The following ARMH3 variants were observed in gnomAD, a reference collection of about 807,000 sequenced individuals.
The protein encoded by ARMH3 is armadillo like helical domain containing 3.
A neutral mutation model predicts 99.1 loss-of-function variants in ARMH3; 60 were observed. The ratio of observed to expected loss-of-function variants is 0.61; its 90% confidence interval spans 0.49 to 0.75. ARMH3 has a LOEUF of 0.75. ARMH3 is among the 30% of genes least tolerant of loss of function. The probability of loss-of-function intolerance (pLI) is 0.00; values close to 1 mark genes in which losing one functional copy is unlikely to be tolerated. For synonymous variants in ARMH3, 285 were observed against 292.8 expected (o/e 0.97, Z 0.27); for missense variants, 679 against 843.1 (o/e 0.81, Z 2.41).
chr10:101,944,273 T>TATATATATATAGAG (rs1844401380), intron 22 of ARMH3, among the ~76,000 whole-genome samples: 1 of 25,406 alleles, frequency 3.9e-5, no homozygotes, highest in Non-Finnish European at 6.6e-5. Flanking sequence ...TATATATATA[T>TATATATATATAGAG]AGAGAGAGAG....
intron 20 of ARMH3, among the ~76,000 whole-genome samples, chr10:101,972,344 T>C (rs770416199): frequency 6.6e-6 from 1 of 152,234 alleles, no homozygotes; most frequent in East Asian, 1.9e-4. Flanking sequence ...GATTGCTTCC[T>C]AGATAATCAA....
chr10:101,920,222 A>C (rs1481824010), intron 23 of ARMH3, among the ~76,000 whole-genome samples: 1 of 152,238 alleles, frequency 6.6e-6, no homozygotes. Context: ...CCTGGCTCTA[A>C]GGATGAAGTG....
intron 5 of ARMH3, among the ~76,000 whole-genome samples, chr10:102,026,344 A>T (rs1217840065): frequency 1.3e-5 from 2 of 152,126 alleles, no homozygotes; most frequent in East Asian, 3.8e-4. Flanking sequence ...ATACGAAAAA[A>T]CTCAGACCAT....
chr10:101,996,833 C>G (rs926363300), intron 15 of ARMH3, among the ~76,000 whole-genome samples: 1 of 152,146 alleles, frequency 6.6e-6, no homozygotes, highest in African/African-American at 2.4e-5. Flanking sequence ...AACTTTAAGT[C>G]TATGCATAGA....
intron 23 of ARMH3, among the ~76,000 whole-genome samples, chr10:101,911,673 G>A (rs1207576711): frequency 1.3e-5 from 2 of 152,240 alleles, no homozygotes; most frequent in African/African-American, 2.4e-5. Flanking sequence ...CGATGTTGCA[G>A]TGAACCATGA....
chr10:102,050,858 GAA>G (rs768694267), intron 1 of ARMH3, among the ~76,000 whole-genome samples: 3 of 64,800 alleles, frequency 4.6e-5, no homozygotes, highest in Admixed American at 1.9e-4. Context: ...CTCCATCTCA[GAA>G]AAAAAAAAAA....
chr10:101,918,598 T>G (rs1234049725), intron 23 of ARMH3, among the ~76,000 whole-genome samples: 2 of 152,130 alleles, frequency 1.3e-5, no homozygotes, highest in Admixed American at 6.5e-5. Context: ...GAGAACAGAA[T>G]AAAATGTCAG....
At chr10:101,921,347 G>A (rs1295588846) in intron 23 of ARMH3, among the ~76,000 whole-genome samples, 2 of 152,144 alleles carry the variant, frequency 1.3e-5, no homozygotes, top group African/African-American at 2.4e-5. Flanking sequence ...TGGGGAAAGG[G>A]ACTACTGACT....
intron 24 of ARMH3, among the ~76,000 whole-genome samples, chr10:101,883,993 C>CAT (rs1404418254): frequency 6.6e-6 from 1 of 151,644 alleles, no homozygotes; most frequent in African/African-American, 2.4e-5. Context: ...ATCTCACACA[C>CAT]ACACACACAC....
intron 19 of ARMH3, among the ~76,000 whole-genome samples, chr10:101,976,810 C>T (rs943591724): frequency 1.3e-5 from 2 of 152,006 alleles, no homozygotes; most frequent in African/African-American, 2.4e-5. Context: ...CCACCATAGC[C>T]GGCTAATTTT....
chr10:101,956,123 CCAATCA>C (rs1241551516), intron 22 of ARMH3, among the ~76,000 whole-genome samples: 1 of 152,044 alleles, frequency 6.6e-6, no homozygotes, highest in African/African-American at 2.4e-5. Flanking sequence ...TTTCAGTGAG[CCAATCA>C]CCAAAAGATT....
intron 8 of ARMH3, among the ~76,000 whole-genome samples, chr10:102,020,428 G>A (rs2066856041): frequency 6.6e-6 from 1 of 151,704 alleles, no homozygotes; most frequent in South Asian, 2.1e-4. Flanking sequence ...TATAATCCAA[G>A]CACTTTGGGA....
chr10:101,907,182 T>C (rs1233136737), intron 23 of ARMH3, among the ~76,000 whole-genome samples: 3 of 152,196 alleles, frequency 2.0e-5, no homozygotes, highest in African/African-American at 4.8e-5. Context: ...AAGTTCCTAT[T>C]TAGATACATT....
At chr10:102,002,248 C>T (rs1355204506) in intron 14 of ARMH3, among the ~76,000 whole-genome samples, 176 bp from the exon 15 acceptor site, 4 of 152,036 alleles carry the variant, frequency 2.6e-5, no homozygotes, top group Non-Finnish European at 5.9e-5. Context: ...GCCTGTAGAG[C>T]CCCCTTCCTA....
chr10:102,021,806 A>G (rs542782269), intron 8 of ARMH3, among the ~76,000 whole-genome samples: 1 of 152,128 alleles, frequency 6.6e-6, no homozygotes, highest in East Asian at 1.9e-4. Flanking sequence ...TCAGCCTCCC[A>G]AAGTGCTGGG....
At chr10:102,022,382 C>G (rs2066904657) in intron 8 of ARMH3, among the ~76,000 whole-genome samples, 1 of 149,108 alleles carries the variant, frequency 6.7e-6, no homozygotes, top group Non-Finnish European at 1.5e-5. Context: ...GTCCCAGCTA[C>G]TGGGGAGGCT....
At chr10:101,878,069 C>T (rs1372964019) in intron 24 of ARMH3, among the ~76,000 whole-genome samples, 2 of 152,016 alleles carry the variant, frequency 1.3e-5, no homozygotes, top group East Asian at 3.9e-4. Flanking sequence ...ACTAGCCTGG[C>T]CAACATGGCG....
intron 13 of ARMH3, 78 bp from the exon 14 acceptor site, chr10:102,006,711 G>T: frequency 7.4e-7 from 1 of 1,342,740 alleles, no homozygotes; most frequent in South Asian, 1.2e-5. Context: ...TACCAATAAG[G>T]ACTGGTATTC....
chr10:101,892,452 T>C (rs571196904), intron 23 of ARMH3, among the ~76,000 whole-genome samples: 7 of 152,102 alleles, frequency 4.6e-5, no homozygotes, highest in Non-Finnish European at 1.0e-4. Context: ...TAACGAGACC[T>C]TCTCTCAAAA....
Sources: gnomAD v4.1 joint callset for allele counts (sites outside exome capture counted in the v4.1 genomes callset) on GRCh38, gnomAD v4.1.1 for gene constraint, MANE v1.5 for transcripts, NCBI Gene and HGNC (gene_info 2026-07-23, HGNC 2026-07-21) for gene names.